SRRM4: variants seen among roughly 807,000 people sequenced by gnomAD.
The protein encoded by SRRM4 is serine/arginine repetitive matrix protein 4.
Under a neutral mutation model 68.9 loss-of-function variants are expected in SRRM4, and 33 were observed. The ratio of observed to expected loss-of-function variants is 0.48; its 90% CI spans 0.36 to 0.64. The LOEUF is 0.64. Ranked by LOEUF, SRRM4 falls within the 30% of genes least tolerant of loss-of-function variation. The pLI, the probability that SRRM4 is intolerant of heterozygous loss-of-function variation, is 0.00. For missense variants in SRRM4, 817 were observed against 827.1 expected (o/e 0.99, Z 0.15); for synonymous variants, 318 against 318.8 (o/e 1.00, Z 0.03).
intron 10 of SRRM4, among the ~76,000 whole-genome samples, 195 bp downstream of exon 10, chr12:119,151,415 G>A (rs1379201803): frequency 6.6e-6 from 1 of 150,592 alleles, no homozygotes; most frequent in Admixed American, 6.6e-5. Context: ...TCTGCAATAT[G>A]AAGAAATAGC....
chr12:118,994,844 G>A lies in SRRM4; in HGVS notation c.131+12831G>A, dbSNP rs116933974. On this transcript the variant is annotated intron_variant, in intron 1 of 12. Coordinates refer to ENST00000267260, the MANE Select transcript of SRRM4 (RefSeq NM_194286.4). ...GCCATTCCGGCTTATGTTCAAAAGC[G>A]AGTCAGTTTGATGGTGGTGGTGGAG... 2.3e-4 allele frequency among the ~76,000 whole-genome samples: 35 copies of A among 152,274 alleles called. No homozygotes were observed. In the East Asian group the frequency reaches 6.4e-3, roughly 28 times the overall value.
Position 119,091,298 on chromosome 12 carries a change from C to T in SRRM4, c.132-10938C>T, listed in dbSNP as rs141352799. Among the ~76,000 whole-genome samples, 5 of 152,296 alleles carry T rather than the reference C, an allele frequency of 3.3e-5. No homozygotes were observed. The East Asian group carries it at 5.8e-4, about 18-fold the overall frequency. ...CTCAGCAGGAATTGGGTTTCTGTAG[C>T]ATTTCTAGGTTCCAGGATCATTTCT... is the stretch of plus-strand genomic sequence containing the variant. On this transcript the variant is annotated intron_variant, in intron 1 of 12. Coordinates refer to ENST00000267260, the MANE Select transcript of SRRM4 (RefSeq NM_194286.4).
intron 1 of SRRM4, among the ~76,000 whole-genome samples, chr12:118,988,975 G>T (rs1953299592): frequency 6.6e-6 from 1 of 152,182 alleles, no homozygotes; most frequent in Non-Finnish European, 1.5e-5. Context: ...GTAGAAGGAT[G>T]CTTGGTGTAT....
At chr12:118,996,513 T>A (rs1226667829) in intron 1 of SRRM4, among the ~76,000 whole-genome samples, 3 of 152,224 alleles carry the variant, frequency 2.0e-5, no homozygotes, top group Admixed American at 6.5e-5. Context: ...GAGTTAATAG[T>A]ATCAAAAAGA....
chr12:119,091,589 G>T (rs1954014623), intron 1 of SRRM4, among the ~76,000 whole-genome samples: 1 of 152,310 alleles, frequency 6.6e-6, no homozygotes, highest in African/African-American at 2.4e-5. Flanking sequence ...GATACTAAGT[G>T]CTGGACATGC....
At chr12:119,096,945 C>T (rs994035210) in intron 1 of SRRM4, among the ~76,000 whole-genome samples, 3 of 152,112 alleles carry the variant, frequency 2.0e-5, no homozygotes, top group Admixed American at 2.0e-4. Flanking sequence ...TGGAATCTGC[C>T]GGTTGCCATG....
At chr12:119,083,308 A>G (rs1325838381) in intron 1 of SRRM4, among the ~76,000 whole-genome samples, 2 of 151,700 alleles carry the variant, frequency 1.3e-5, no homozygotes, top group African/African-American at 2.4e-5. Context: ...ATTCAGCTTG[A>G]TCACCTCCTG....
At chr12:119,027,645 T>A (rs1953557774) in intron 1 of SRRM4, among the ~76,000 whole-genome samples, 1 of 152,150 alleles carries the variant, frequency 6.6e-6, no homozygotes, top group African/African-American at 2.4e-5. Context: ...ACTATAATAA[T>A]AGATAACCTG....
rs147562076 is a variant in SRRM4 at position 119,146,516 on chromosome 12, G to A, written c.1076+831G>A. Among the ~76,000 whole-genome samples the A allele has an allele frequency of 1.5e-3, 227 of 152,150 alleles. 1 individual carries two copies. The highest frequency in any genetic ancestry group is 5.4e-3 in the African/African-American group (223 of 41,470). On this transcript the variant is annotated intron_variant, in intron 9 of 12. Transcript: ENST00000267260. ...CAGGAAAATTGCTTGAACCCTGGAG[G>A]CGGAGGTGGCAGTGAGCTGAGATTG...
intron 1 of SRRM4, among the ~76,000 whole-genome samples, chr12:119,033,887 T>A (rs1351154012): frequency 1.3e-5 from 2 of 152,236 alleles, no homozygotes. Context: ...TGGCTACAGT[T>A]AAATTTTTCA....
chr12:119,025,892 G>A (rs2136003780), intron 1 of SRRM4, among the ~76,000 whole-genome samples: 1 of 152,248 alleles, frequency 6.6e-6, no homozygotes, highest in Middle Eastern at 3.4e-3. Flanking sequence ...AGCCTGCTGT[G>A]CAGTTTGAGA....
chr12:119,148,471 T>C (rs1284515783), intron 9 of SRRM4, among the ~76,000 whole-genome samples: 1 of 152,202 alleles, frequency 6.6e-6, no homozygotes, highest in African/African-American at 2.4e-5. Context: ...AAAATTGAAA[T>C]AGCAATAACA....
intron 1 of SRRM4, among the ~76,000 whole-genome samples, chr12:119,075,833 G>T (rs1953909037): frequency 1.4e-5 from 2 of 143,284 alleles, no homozygotes; most frequent in African/African-American, 2.6e-5. Flanking sequence ...GATGGTGATG[G>T]TGATGATGAT....
At chr12:119,043,029 T>A (rs1953679796) in intron 1 of SRRM4, among the ~76,000 whole-genome samples, 1 of 152,152 alleles carries the variant, frequency 6.6e-6, no homozygotes, top group African/African-American at 2.4e-5. Flanking sequence ...GACCCAGCAA[T>A]CTCATTACTG....
intron 1 of SRRM4, among the ~76,000 whole-genome samples, chr12:119,082,168 G>A (rs1953952786): frequency 6.6e-6 from 1 of 152,080 alleles, no homozygotes; most frequent in Non-Finnish European, 1.5e-5. Flanking sequence ...AGAGTGGGCT[G>A]AACTCCCAGC....
rs1156279038 is a variant in SRRM4 at position 119,102,293 on chromosome 12, G to A, written c.189G>A (p.Leu63=). The A allele has an allele frequency of 2.5e-6, 4 of 1,613,774 alleles. No individual in the cohort carries two copies. The highest frequency in any genetic ancestry group is 3.4e-6 in the Non-Finnish European group (4 of 1,179,816). The part of the protein sequence containing the change: ...VPAQDGPSEK[L]GQHLATEPLG... ...CTCAGGATGGACCCTCAGAAAAGCT[G>A]GGTCAGCATCTGGCCACCGAGCCCT... The change falls in exon 2 of 13, where the codon CTG becomes CTA. Residue 63 remains leucine, a synonymous_variant. Transcript: ENST00000267260.
At chr12:119,109,577 A>C (rs987750246) in intron 2 of SRRM4, among the ~76,000 whole-genome samples, 1 of 152,092 alleles carries the variant, frequency 6.6e-6, no homozygotes, top group African/African-American at 2.4e-5. Flanking sequence ...TTGATCTTCA[A>C]TCACTGATAC....
intron 1 of SRRM4, among the ~76,000 whole-genome samples, chr12:118,986,515 C>G (rs1393254877): frequency 1.3e-5 from 2 of 152,148 alleles, no homozygotes; most frequent in Admixed American, 1.3e-4. Flanking sequence ...GTGCATGGTT[C>G]AAACCCAGCA....
intron 1 of SRRM4, among the ~76,000 whole-genome samples, chr12:118,982,669 G>GTTTTTTT (rs10533651): frequency 8.6e-5 from 10 of 115,716 alleles, no homozygotes; most frequent in Admixed American, 1.8e-4. Context: ...GTTTTATTTT[G>GTTTTTTT]TTTTTTTTTG....
Sources: gnomAD v4.1 joint callset for allele counts (sites outside exome capture counted in the v4.1 genomes callset) on GRCh38, gnomAD v4.1.1 for gene constraint, MANE v1.5 for transcripts, NCBI Gene and HGNC (gene_info 2026-07-23, HGNC 2026-07-21) for gene names.